TRPA1: variants seen among roughly 807,000 people sequenced by gnomAD.
TRPA1 encodes ankyrin-like with transmembrane domains 1.
In TRPA1, 129 loss-of-function variants were observed where a neutral mutation model predicts 131.3. That is an observed-to-expected ratio of 0.98 (90% CI 0.85 to 1.14). The LOEUF (loss-of-function observed/expected upper bound fraction) is 1.14. Ranked by LOEUF, TRPA1 falls within the 50% of genes most tolerant of loss-of-function variation. The pLI is 0.00. For missense variants in TRPA1, 1,304 were observed against 1,354.2 expected (o/e 0.96, Z 0.58); for synonymous variants, 441 against 451.7 (o/e 0.98, Z 0.30).
chr8:72,034,605 A>G (rs561629625), intron 21 of TRPA1, among the ~76,000 whole-genome samples: 5 of 152,240 alleles, frequency 3.3e-5, no homozygotes, highest in Admixed American at 3.3e-4. Context: ...AATGTTATCT[A>G]TTTTTTGGAT....
At chr8:72,066,464 T>A (rs1805934228) in intron 3 of TRPA1, among the ~76,000 whole-genome samples, 1 of 152,192 alleles carries the variant, frequency 6.6e-6, no homozygotes, top group Admixed American at 6.5e-5. Flanking sequence ...TTCTTAAAAA[T>A]CTTGACTTCT....
chr8:72,061,474 C>T (rs1805805885), intron 7 of TRPA1, 151 bp downstream of exon 7: 2 of 834,318 alleles, frequency 2.4e-6, no homozygotes, highest in South Asian at 3.1e-5. Flanking sequence ...ATACGCGATT[C>T]CGGTTGATCC....
At chr8:72,045,802 C>G (rs1355309208) in intron 17 of TRPA1, among the ~76,000 whole-genome samples, 1 of 151,792 alleles carries the variant, frequency 6.6e-6, no homozygotes, top group Non-Finnish European at 1.5e-5. Flanking sequence ...ATTTAGACTA[C>G]AGGGGGTCAA....
At chr8:72,058,166 AT>A (rs1012782061) in intron 8 of TRPA1, among the ~76,000 whole-genome samples, 1 of 152,160 alleles carries the variant, frequency 6.6e-6, no homozygotes, top group Admixed American at 6.5e-5. Context: ...AATGTCTATA[AT>A]TTTAAAACTC....
intron 19 of TRPA1, among the ~76,000 whole-genome samples, chr8:72,038,552 C>G (rs1176030868): frequency 1.3e-5 from 2 of 151,982 alleles, no homozygotes; most frequent in Non-Finnish European, 2.9e-5. Context: ...TTCCCATGTC[C>G]CACAGTCCCT....
intron 6 of TRPA1, among the ~76,000 whole-genome samples, chr8:72,062,054 G>A (rs1472400531): frequency 6.6e-6 from 1 of 152,180 alleles, no homozygotes; most frequent in Non-Finnish European, 1.5e-5. Context: ...CAGGGAACAT[G>A]AGAACAATGT....
chr8:72,031,597 A>C (rs1811820049), intron 23 of TRPA1, among the ~76,000 whole-genome samples: 1 of 151,644 alleles, frequency 6.6e-6, no homozygotes. Flanking sequence ...AAAAAAACAA[A>C]AAAAAAACAA....
At chr8:72,057,056 T>G (rs746792614) in intron 9 of TRPA1, 39 bp from the exon 10 acceptor site, 31 of 1,473,388 alleles carry the variant, frequency 2.1e-5, no homozygotes, top group Admixed American at 9.4e-5. Context: ...TTCTATTCAT[T>G]TATTTAAAGC....
At chr8:72,086,315 A>G in the TRPA1 span, among the ~76,000 whole-genome samples, 1 of 152,226 alleles carries the variant, frequency 6.6e-6, no homozygotes, top group African/African-American at 2.4e-5. Flanking sequence ...TTAGAATATA[A>G]TAAGCTTAGG....
intron 1 of TRPA1, among the ~76,000 whole-genome samples, 161 bp downstream of exon 1, chr8:72,075,138 G>T (rs1806143564): frequency 6.6e-6 from 1 of 152,114 alleles, no homozygotes; most frequent in Non-Finnish European, 1.5e-5. Flanking sequence ...CAGGCGCTGT[G>T]TGGGCGCGTC....
intron 8 of TRPA1, 71 bp downstream of exon 8, chr8:72,059,319 A>G: frequency 1.9e-6 from 2 of 1,060,462 alleles, no homozygotes; most frequent in Non-Finnish European, 2.8e-6. Flanking sequence ...TTGAAAATCC[A>G]TATTATGTAA....
upstream of TRPA1, among the ~76,000 whole-genome samples, chr8:72,076,850 T>A (rs553990577): frequency 6.6e-6 from 1 of 152,282 alleles, no homozygotes; most frequent in South Asian, 2.1e-4. Context: ...GATACAGGTG[T>A]TCAACTTCAC....
rs145960717 is a variant in TRPA1 at position 72,046,528 on chromosome 8, C to T, written c.2046G>A (p.Pro682=). 513 of 1,584,290 alleles carry T rather than the reference C, an allele frequency of 3.2e-4. 1 individual carries two copies. The African/African-American group carries it at 5.3e-3, about 16-fold the overall frequency. The change falls in exon 17 of 27, where the codon CCG becomes CCA. Residue 682 remains proline (P), a synonymous_variant. Coordinates refer to ENST00000262209, the MANE Select transcript of TRPA1 (RefSeq NM_007332.3). The part of the protein sequence containing the change: ...KTPTQDVIYE[P]LTALNAMVQN... ...TTGAACTTACGTTGAGGGCTGTAAG[C>T]GGTTCATATATAACATCCTGTGTAG...
chr8:72,029,875 A>C (rs149299001), intron 24 of TRPA1, 26 bp downstream of exon 24: 91 of 1,609,274 alleles, frequency 5.7e-5, no homozygotes, highest in African/African-American at 3.5e-4. Context: ...ATAACACTGT[A>C]ATAAGTGGGG....
chr8:72,083,485 A>G, the TRPA1 span, among the ~76,000 whole-genome samples: 1 of 152,214 alleles, frequency 6.6e-6, no homozygotes, highest in South Asian at 2.1e-4. Context: ...CTGTAATCCC[A>G]GCACTTTGGG....
rs1161151411 is a variant in TRPA1 at position 72,071,616 on chromosome 8, C to T, written c.268+95G>A. Reference sequence around the variant, plus strand: ...AAATATATAGGCTCTTTATAATTAGCACTAATTACCCTTAAAAATCACTTC... The same window carrying T: ...AAATATATAGGCTCTTTATAATTAGTACTAATTACCCTTAAAAATCACTTC... On this transcript the variant is annotated intron_variant, in intron 2 of 26. Coordinates refer to ENST00000262209, the MANE Select transcript of TRPA1 (RefSeq NM_007332.3). The T allele has an allele frequency of 3.6e-6, 5 of 1,376,486 alleles. No homozygotes were observed. In the East Asian group the frequency reaches 9.2e-5, roughly 25 times the overall value. The allele number at this position is 1,376,486 out of a possible 1,614,324, so 85.3% of individuals were successfully genotyped here.
intron 19 of TRPA1, among the ~76,000 whole-genome samples, chr8:72,038,584 T>A (rs1812140813): frequency 1.3e-5 from 2 of 152,066 alleles, no homozygotes; most frequent in Non-Finnish European, 2.9e-5. Context: ...ATCTGCTTTC[T>A]TGTACACCTA....
chr8:72,084,625 T>A, the TRPA1 span, among the ~76,000 whole-genome samples: 1 of 151,440 alleles, frequency 6.6e-6, no homozygotes, highest in Non-Finnish European at 1.5e-5. Context: ...TAAATTATTT[T>A]ATACGTGCTC....
intron 20 of TRPA1, 52 bp from the exon 21 acceptor site, chr8:72,036,509 G>T: frequency 6.6e-7 from 1 of 1,509,640 alleles, no homozygotes; most frequent in South Asian, 1.1e-5. Context: ...TAGCATCTAT[G>T]GATGGTTATA....
Sources: allele counts gnomAD v4.1 joint callset (sites outside exome capture counted in the v4.1 genomes callset), GRCh38; gene constraint gnomAD v4.1.1; transcripts MANE v1.5; gene names NCBI Gene and HGNC (gene_info 2026-07-23, HGNC 2026-07-21).